SLAMF6: variants seen among roughly 807,000 people sequenced by gnomAD.
The protein encoded by SLAMF6 is SLAM family member 6.
SLAMF6 carries 21 observed loss-of-function variants against 38.3 expected under a neutral mutation model. The ratio of observed to expected loss-of-function variants is 0.55; its 90% CI spans 0.39 to 0.79. The LOEUF (loss-of-function observed/expected upper bound fraction) is 0.79, where lower values mean the gene tolerates loss of function less well. Among genes scored for constraint, SLAMF6 ranks in the 30% least tolerant of loss-of-function variants. The probability of loss-of-function intolerance (pLI) is 0.00; values close to 1 mark genes in which losing one functional copy is unlikely to be tolerated. For synonymous variants in SLAMF6, 152 were observed against 146.3 expected (o/e 1.04, Z -0.28); for missense variants, 341 against 385.3 (o/e 0.89, Z 0.96).
Position 160,487,175 on chromosome 1 carries a change from C to T in SLAMF6, c.880G>A (p.Glu294Lys), listed in dbSNP as rs1653010091. The change falls in exon 7 of 8, where the codon GAA becomes AAA. Residue 294 changes from glutamate to lysine, a missense_variant and splice_region_variant. By Grantham distance (56) the Glu-to-Lys change is moderately conservative. Coordinates refer to ENST00000368057, the MANE Select transcript of SLAMF6 (RefSeq NM_001184714.2). The stretch of plus-strand genomic sequence containing the variant: ...TCTCTAGGTGTCCAGATTTCTGTTT[C>T]CTGTAAAAAGAATCATACCAATTTG... The part of the protein sequence containing the change: ...VYASVTHSNR[E>K]TEIWTPREND... 1 of 1,612,060 alleles carries T rather than the reference C, an allele frequency of 6.2e-7. No homozygotes were observed. The highest frequency in any genetic ancestry group is 1.3e-5 in the African/African-American group (1 of 74,792).
chr1:160,491,507 T>C (rs559688499), intron 2 of SLAMF6, 119 bp from the exon 3 acceptor site: 5 of 1,411,454 alleles, frequency 3.5e-6, no homozygotes, highest in Middle Eastern at 2.2e-4. Flanking sequence ...TTATGGTCTG[T>C]AGACTCTGTA....
intron 1 of SLAMF6, among the ~76,000 whole-genome samples, chr1:160,520,584 G>A (rs982416843): frequency 3.3e-5 from 5 of 152,042 alleles, no homozygotes; most frequent in Non-Finnish European, 5.9e-5. Context: ...AGAAACAAAC[G>A]AGATTTATTT....
chr1:160,499,269 T>C (rs746185462), intron 1 of SLAMF6, among the ~76,000 whole-genome samples: 5 of 152,230 alleles, frequency 3.3e-5, no homozygotes, highest in Non-Finnish European at 7.3e-5. Flanking sequence ...GTTTCAATCT[T>C]CTGCATATGG....
At position 160,514,020 on chromosome 1, in the gene SLAMF6, C is replaced by T. The variant is rs191981283; in HGVS notation, c.49+9124G>A. Among the ~76,000 whole-genome samples the T allele has an allele frequency of 1.6e-3, 239 of 152,206 alleles. 1 individual carries two copies. The highest frequency in any genetic ancestry group is 5.5e-3 in the African/African-American group (228 of 41,540). On this transcript the variant is annotated intron_variant, in intron 1 of 7. Transcript: ENST00000368057. ...AGGATCAAATTCACACATAACAATACTAACTTTAAATATAAATGTGCTAAG... is the reference window on the plus strand; with the variant it reads ...AGGATCAAATTCACACATAACAATATTAACTTTAAATATAAATGTGCTAAG...
At chr1:160,495,238 A>C (rs1399230453) in intron 2 of SLAMF6, among the ~76,000 whole-genome samples, 1 of 152,164 alleles carries the variant, frequency 6.6e-6, no homozygotes, top group Non-Finnish European at 1.5e-5. Flanking sequence ...GTGGCCTTTA[A>C]TGTTTTCTGG....
rs1331526859 is a variant in SLAMF6, at chr1:160,489,173, G to A, written c.797-3C>T. ...CTCTAGGTTCCTTGCGGACTCTGCT[G>A]TTAACATAGGAAGGCACAGTCAATG... On this transcript the variant is annotated splice_region_variant and splice_polypyrimidine_tract_variant and intron_variant, in intron 5 of 7. Coordinates refer to ENST00000368057, the MANE Select transcript of SLAMF6 (RefSeq NM_001184714.2). 2 of 1,613,684 alleles carry A rather than the reference G, an allele frequency of 1.2e-6. No individual in the cohort carries two copies. Among genetic ancestry groups the A allele is most frequent in the Non-Finnish European group, 1.7e-6 (2 of 1,179,794 alleles).
intron 1 of SLAMF6, among the ~76,000 whole-genome samples, chr1:160,519,087 T>C (rs1441440160): frequency 6.6e-6 from 1 of 152,202 alleles, no homozygotes; most frequent in Non-Finnish European, 1.5e-5. Flanking sequence ...TCCAAGAATG[T>C]ATAAACAACT....
rs1382243341 is a variant in SLAMF6 at position 160,491,197 on chromosome 1, C to G, written c.574G>C (p.Asp192His). Reference sequence around the variant, plus strand: ...GCATTCTCTGCTATGCAGGTGTAGTCCTGTTCACTGGAAATCCTGGGGTCC... The same window carrying G: ...GCATTCTCTGCTATGCAGGTGTAGTGCTGTTCACTGGAAATCCTGGGGTCC... ...SWDPRISSEQ[D>H]YTCIAENAVS... The change falls in exon 3 of 8, where the codon GAC (aspartate) becomes CAC (histidine). Residue 192 changes from aspartate to histidine, a missense_variant. By Grantham distance (81) the Asp-to-His change is moderately conservative. Coordinates refer to ENST00000368057, the MANE Select transcript of SLAMF6 (RefSeq NM_001184714.2). 1 of 1,613,872 alleles carries G rather than the reference C, an allele frequency of 6.2e-7. No homozygotes were observed. The highest frequency in any genetic ancestry group is 1.3e-5 in the African/African-American group (1 of 74,864).
At chr1:160,503,494 C>T (rs897150991) in intron 1 of SLAMF6, among the ~76,000 whole-genome samples, 1 of 152,024 alleles carries the variant, frequency 6.6e-6, no homozygotes, top group African/African-American at 2.4e-5. Context: ...AGCCCAGGAA[C>T]AGGGAAAGAA....
At chr1:160,519,405 C>T (rs1382438848) in intron 1 of SLAMF6, among the ~76,000 whole-genome samples, 3 of 152,122 alleles carry the variant, frequency 2.0e-5, no homozygotes, top group Non-Finnish European at 1.5e-5. Context: ...AACAGTTTGG[C>T]AATTTCCCAA....
At chr1:160,494,382 C>T (rs1260170887) in intron 2 of SLAMF6, among the ~76,000 whole-genome samples, 1 of 152,120 alleles carries the variant, frequency 6.6e-6, no homozygotes, top group Admixed American at 6.5e-5. Context: ...CCATTTCAGG[C>T]TTTCCATTGG....
chr1:160,498,607 A>T (rs1197117998), intron 1 of SLAMF6, among the ~76,000 whole-genome samples: 3 of 152,108 alleles, frequency 2.0e-5, no homozygotes. Context: ...AGATTCAATT[A>T]CCTCCTACCA....
chr1:160,491,723 A>C (rs756563300), intron 2 of SLAMF6, among the ~76,000 whole-genome samples: 5 of 152,096 alleles, frequency 3.3e-5, no homozygotes, highest in African/African-American at 4.8e-5. Context: ...TAGTCCTTGC[A>C]CTCTGCCCCT....
intron 1 of SLAMF6, among the ~76,000 whole-genome samples, chr1:160,512,782 G>A (rs1044279985): frequency 2.0e-5 from 3 of 152,122 alleles, no homozygotes; most frequent in South Asian, 2.1e-4. Flanking sequence ...AGAGGGTCCT[G>A]TCTGCTAAAA....
chr1:160,504,239 G>A (rs879693314), intron 1 of SLAMF6, among the ~76,000 whole-genome samples: 11 of 152,062 alleles, frequency 7.2e-5, no homozygotes, highest in Admixed American at 4.6e-4. Flanking sequence ...ATTGTATACC[G>A]AACATTTGCT....
chr1:160,502,900 A>G (rs1001916540), intron 1 of SLAMF6, among the ~76,000 whole-genome samples: 1 of 152,206 alleles, frequency 6.6e-6, no homozygotes, highest in African/African-American at 2.4e-5. Context: ...TTGAGAAGGT[A>G]GGACAAATGG....
intron 1 of SLAMF6, among the ~76,000 whole-genome samples, chr1:160,512,528 G>A (rs1001711649): frequency 3.3e-5 from 5 of 152,190 alleles, no homozygotes; most frequent in African/African-American, 1.2e-4. Flanking sequence ...TCATTAAGTG[G>A]GTCCCTTATC....
chr1:160,517,954 C>A (rs1654822003), intron 1 of SLAMF6, among the ~76,000 whole-genome samples: 1 of 152,052 alleles, frequency 6.6e-6, no homozygotes, highest in South Asian at 2.1e-4. Context: ...ACCACCAGGG[C>A]ACAGGTTTAC....
intron 3 of SLAMF6, 118 bp from the exon 4 acceptor site, chr1:160,490,803 C>T: frequency 6.9e-7 from 1 of 1,459,314 alleles, no homozygotes. Flanking sequence ...TTGTCTATAG[C>T]CGGAGGCTCT....
Sources: allele counts gnomAD v4.1 joint callset (sites outside exome capture counted in the v4.1 genomes callset), GRCh38; gene constraint gnomAD v4.1.1; transcripts MANE v1.5; gene names NCBI Gene and HGNC (gene_info 2026-07-23, HGNC 2026-07-21).